Variants in INPP5F observed in about 807,000 individuals in gnomAD.
INPP5F encodes inositol polyphosphate-5-phosphatase F.
INPP5F carries 97 observed loss-of-function variants against 137.2 expected under a neutral mutation model. The observed-to-expected ratio is 0.71, with a 90% CI of 0.60 to 0.84. INPP5F has a LOEUF of 0.84. Among genes scored for constraint, INPP5F ranks in the 40% least tolerant of loss-of-function variants. The probability of loss-of-function intolerance (pLI) is 0.00; values close to 1 mark genes in which losing one functional copy is unlikely to be tolerated. For missense variants in INPP5F, 1,271 were observed against 1,371.9 expected (o/e 0.93, Z 1.16); for synonymous variants, 504 against 476.9 (o/e 1.06, Z -0.74).
chr10:119,764,534 C>T (rs1589689840), intron 2 of INPP5F, among the ~76,000 whole-genome samples: 1 of 151,952 alleles, frequency 6.6e-6, no homozygotes, highest in Non-Finnish European at 1.5e-5. Flanking sequence ...TATAATGACC[C>T]ACTTCCACTT....
At chr10:119,771,883 T>TATATATATATACATA (rs1491430102) in intron 2 of INPP5F, among the ~76,000 whole-genome samples, 1 of 20,064 alleles carries the variant, frequency 5.0e-5, no homozygotes, top group Non-Finnish European at 8.0e-5. Context: ...TATATATATA[T>TATATATATATACATA]TTTTTTTTTT....
intron 1 of INPP5F, among the ~76,000 whole-genome samples, chr10:119,736,043 G>A (rs1156793614): frequency 6.6e-6 from 1 of 152,080 alleles, no homozygotes; most frequent in Admixed American, 6.5e-5. Context: ...TCTAAAATGA[G>A]GAAAGGAAAA....
intron 2 of INPP5F, among the ~76,000 whole-genome samples, chr10:119,764,364 C>A (rs538825591): frequency 6.0e-4 from 92 of 152,214 alleles, no homozygotes; most frequent in African/African-American, 2.1e-3. Context: ...CACACACAAA[C>A]ACACACAGTT....
At chr10:119,778,258 C>T (rs1207600864) in intron 2 of INPP5F, among the ~76,000 whole-genome samples, 3 of 152,080 alleles carry the variant, frequency 2.0e-5, no homozygotes, top group African/African-American at 7.2e-5. Flanking sequence ...TCTGCCCTCC[C>T]TGGCCTCCCA....
At chr10:119,773,213 T>C (rs1461794077) in intron 2 of INPP5F, among the ~76,000 whole-genome samples, 1 of 152,074 alleles carries the variant, frequency 6.6e-6, no homozygotes, top group Non-Finnish European at 1.5e-5. Context: ...TGTGCCACCA[T>C]GCCCTGCTAA....
At chr10:119,765,869 A>G (rs1849147884) in intron 2 of INPP5F, among the ~76,000 whole-genome samples, 2 of 24,994 alleles carry the variant, frequency 8.0e-5, no homozygotes, top group African/African-American at 1.5e-4. Flanking sequence ...TATATACTAT[A>G]TATATATATA....
chr10:119,799,297 A>ATT, intron 9 of INPP5F: 2 of 438,538 alleles, frequency 4.6e-6, no homozygotes, highest in South Asian at 1.7e-5. Context: ...AGGTAAATGC[A>ATT]TTTTTTTTTC....
intron 2 of INPP5F, among the ~76,000 whole-genome samples, chr10:119,776,948 G>A (rs1337649207): frequency 2.6e-5 from 4 of 151,956 alleles, no homozygotes; most frequent in African/African-American, 7.3e-5. Context: ...ATGGGGTTTC[G>A]CCATGTTGCC....
chr10:119,732,044 T>G (rs1412123974), intron 1 of INPP5F, among the ~76,000 whole-genome samples: 2 of 150,250 alleles, frequency 1.3e-5, no homozygotes, highest in African/African-American at 4.9e-5. Flanking sequence ...TGGTTTTTTT[T>G]TTTTTTTTTT....
rs910419948 is a variant in INPP5F at position 119,739,225 on chromosome 10, C to A, written c.98-11851C>A. 1.6e-4 allele frequency among the ~76,000 whole-genome samples: 25 copies of A among 152,122 alleles called. No individual in the cohort carries two copies. In the East Asian group the frequency reaches 4.6e-3, roughly 28 times the overall value. ...GCCCAGAAGTTTTAGGTGAGTCTTT[C>A]ATTTTGAGCAACCATATTCTAATCA... On this transcript the variant is annotated intron_variant, in intron 1 of 19. Coordinates refer to ENST00000650623, the MANE Select transcript of INPP5F (RefSeq NM_014937.4).
At chr10:119,734,481 C>T (rs1389970375) in intron 1 of INPP5F, among the ~76,000 whole-genome samples, 1 of 152,150 alleles carries the variant, frequency 6.6e-6, no homozygotes. Flanking sequence ...CTTCCTTTTT[C>T]ATTCCCAAAC....
intron 2 of INPP5F, among the ~76,000 whole-genome samples, chr10:119,754,642 GAA>G (rs1564809634): frequency 1.3e-5 from 2 of 152,082 alleles, no homozygotes; most frequent in African/African-American, 2.4e-5. Context: ...TGGCTCTTAA[GAA>G]AAAGAGTCGG....
intron 15 of INPP5F, chr10:119,816,647 C>T (rs1851292085): frequency 6.6e-6 from 1 of 152,250 alleles, no homozygotes; most frequent in African/African-American, 2.4e-5. Flanking sequence ...TCCATCAGCT[C>T]AGCTGGAGAT....
At chr10:119,818,715 C>G (rs1242311173) in intron 15 of INPP5F, 1 of 151,572 alleles carries the variant, frequency 6.6e-6, no homozygotes, top group Non-Finnish European at 1.5e-5. Flanking sequence ...TCGCAGTTGC[C>G]GCATTCGCCG....
At chr10:119,730,329 C>T (rs1052244513) in intron 1 of INPP5F, among the ~76,000 whole-genome samples, 5 of 152,158 alleles carry the variant, frequency 3.3e-5, no homozygotes, top group Admixed American at 1.3e-4. Flanking sequence ...AGGCTGGTCT[C>T]GAACTCCTGA....
chr10:119,796,718 C>A lies in INPP5F; in HGVS notation c.673C>A (p.Pro225Thr). The A allele has an allele frequency of 6.2e-7, 1 of 1,613,090 alleles. No individual in the cohort carries two copies. Among genetic ancestry groups the A allele is most frequent in the Admixed American group, 1.7e-5 (1 of 60,014 alleles). The change falls in exon 7 of 20, where the codon CCA (proline) becomes ACA (threonine). Residue 225 changes from proline to threonine, a missense_variant. By Grantham distance (38) the Pro-to-Thr change is conservative. Transcript: ENST00000650623. ...ATCATGTTCATTTTGTTTTCAGACT[C>A]CAGATGTGGACTTTTGGATTATCCC... ...MIQDLTEIGT[P>T]DVDFWIIPMI...
chr10:119,749,810 G>A (rs140311355), intron 1 of INPP5F, among the ~76,000 whole-genome samples: 4 of 152,010 alleles, frequency 2.6e-5, no homozygotes, highest in East Asian at 1.9e-4. Context: ...AAACAGTATC[G>A]CACTGTTGCC....
chr10:119,796,315 A>C (rs1030004132), intron 6 of INPP5F, among the ~76,000 whole-genome samples: 15 of 152,212 alleles, frequency 9.9e-5, no homozygotes, highest in Non-Finnish European at 1.6e-4. Flanking sequence ...TGAGAATCAT[A>C]ATCATAAACA....
intron 2 of INPP5F, among the ~76,000 whole-genome samples, chr10:119,756,629 C>CT (rs1215569658): frequency 6.6e-6 from 1 of 151,888 alleles, no homozygotes; most frequent in Admixed American, 6.6e-5. Context: ...GAGCAAGACT[C>CT]TGTCAAAAAA....
Sources: allele counts gnomAD v4.1 joint callset (sites outside exome capture counted in the v4.1 genomes callset), GRCh38; gene constraint gnomAD v4.1.1; transcripts MANE v1.5; gene names NCBI Gene and HGNC (gene_info 2026-07-23, HGNC 2026-07-21).